Variants in IGSF23 observed in about 807,000 individuals in gnomAD.
IGSF23 encodes immunoglobulin superfamily member 23.
IGSF23 carries 14 observed loss-of-function variants against 17.8 expected under a neutral mutation model. That is an observed-to-expected ratio of 0.79 (90% CI 0.52 to 1.23). The LOEUF (loss-of-function observed/expected upper bound fraction) is 1.23, where lower values mean the gene tolerates loss of function less well. IGSF23 is among the 50% of genes most tolerant of loss of function. The pLI is 0.00. For synonymous variants in IGSF23, 85 were observed against 92.5 expected (o/e 0.92, Z 0.46); for missense variants, 214 against 241.7 (o/e 0.89, Z 0.76).
intron 1 of IGSF23, among the ~76,000 whole-genome samples, chr19:44,623,457 AG>A (rs1345071070): frequency 1.3e-5 from 2 of 152,224 alleles, no homozygotes; most frequent in African/African-American, 4.8e-5. Flanking sequence ...CCATGGGCAG[AG>A]TAGGCTTTGG....
chr19:44,630,626 A>G (rs1415291168), intron 3 of IGSF23, among the ~76,000 whole-genome samples: 2 of 152,236 alleles, frequency 1.3e-5, no homozygotes, highest in African/African-American at 4.8e-5. Context: ...GTTGTGAGCA[A>G]CAGACTCCTG....
At position 44,635,397 on chromosome 19, in the gene IGSF23, G is replaced by C; in HGVS notation, c.546-4G>C. ...CTCTGTCTCTCTCTCTCTCTCCACT[G>C]CAGGACTGACAGGCAGAGAATAGGA... On this transcript the variant is annotated splice_region_variant and splice_polypyrimidine_tract_variant and intron_variant, in intron 3 of 4. Transcript: ENST00000402988. 1 of 1,541,866 alleles carries C rather than the reference G, an allele frequency of 6.5e-7. No individual in the cohort carries two copies. The highest frequency in any genetic ancestry group is 8.8e-7 in the Non-Finnish European group (1 of 1,141,168).
intron 2 of IGSF23, among the ~76,000 whole-genome samples, chr19:44,624,439 C>G (rs1972596026): frequency 6.6e-6 from 1 of 151,936 alleles, no homozygotes; most frequent in Non-Finnish European, 1.5e-5. Flanking sequence ...CATGCACCAC[C>G]ACATCTGGCC....
chr19:44,620,290 A>G (rs1972485169), intron 1 of IGSF23, among the ~76,000 whole-genome samples: 2 of 151,440 alleles, frequency 1.3e-5, no homozygotes, highest in South Asian at 4.2e-4. Flanking sequence ...CAGAGAATTT[A>G]TGGACCGCTG....
At chr19:44,623,420 T>A (rs1213184603) in intron 1 of IGSF23, among the ~76,000 whole-genome samples, 2 of 152,162 alleles carry the variant, frequency 1.3e-5, no homozygotes, top group Non-Finnish European at 2.9e-5. Context: ...GATGTGCTCA[T>A]TCCCCAGCAC....
intron 2 of IGSF23, among the ~76,000 whole-genome samples, chr19:44,625,022 G>A (rs141295289): frequency 0.01 from 1,589 of 151,686 alleles, 31 homozygotes; most frequent in African/African-American, 0.036. Context: ...AGCTGTAATC[G>A]CACCACTGCA....
At chr19:44,623,098 C>T (rs1972556939) in intron 1 of IGSF23, among the ~76,000 whole-genome samples, 1 of 152,208 alleles carries the variant, frequency 6.6e-6, no homozygotes, top group Non-Finnish European at 1.5e-5. Flanking sequence ...TGTTTAATCA[C>T]TGCTGAGCCC....
At chr19:44,632,126 T>C (rs139918099) in intron 3 of IGSF23, 129 of 377,762 alleles carry the variant, frequency 3.4e-4, no homozygotes, top group African/African-American at 2.7e-3. Context: ...TCTGGCCAGG[T>C]TCAATTTTGT....
intron 1 of IGSF23, chr19:44,618,061 C>T (rs1211884249): frequency 4.2e-6 from 2 of 470,614 alleles, no homozygotes; most frequent in South Asian, 1.5e-5. Context: ...CCTCCTCCTT[C>T]CCTGCTCTTC....
At chr19:44,622,533 T>C (rs1291379500) in intron 1 of IGSF23, among the ~76,000 whole-genome samples, 1 of 152,164 alleles carries the variant, frequency 6.6e-6, no homozygotes, top group Non-Finnish European at 1.5e-5. Flanking sequence ...GGGGACCTCT[T>C]GGGTCACCTC....
chr19:44,633,009 C>T (rs1972802451), intron 3 of IGSF23, among the ~76,000 whole-genome samples: 1 of 152,208 alleles, frequency 6.6e-6, no homozygotes, highest in Admixed American at 6.5e-5. Context: ...CTACAAGCTC[C>T]GCTTTCTGAG....
At chr19:44,626,391 A>T (rs1358059205) in intron 2 of IGSF23, among the ~76,000 whole-genome samples, 1 of 152,160 alleles carries the variant, frequency 6.6e-6, no homozygotes, top group Non-Finnish European at 1.5e-5. Flanking sequence ...GGAAATGTTT[A>T]TGAGCACTTG....
chr19:44,629,506 G>A (rs949407694), intron 3 of IGSF23, among the ~76,000 whole-genome samples: 9 of 151,930 alleles, frequency 5.9e-5, no homozygotes, highest in Non-Finnish European at 1.0e-4. Context: ...AGGCTGCAGC[G>A]AGCGATGATC....
chr19:44,618,888 G>C lies in IGSF23; in HGVS notation c.126-4819G>C, dbSNP rs572965776. ...GGAAAAAGGCCCCACCTCTTAAGGA[G>C]AGGAGTTGCAATGTGTTGTGGCTAT... On this transcript the variant is annotated intron_variant, in intron 1 of 4. Transcript: ENST00000402988. 2.6e-5 allele frequency among the ~76,000 whole-genome samples: 4 copies of C among 152,132 alleles called. No homozygotes were observed. In the East Asian group the frequency reaches 7.7e-4, roughly 29 times the overall value.
chr19:44,617,046 G>T (rs963508747), intron 1 of IGSF23, among the ~76,000 whole-genome samples: 1 of 151,742 alleles, frequency 6.6e-6, no homozygotes, highest in Non-Finnish European at 1.5e-5. Context: ...CTACAGGCGC[G>T]TGCCACCATG....
At chr19:44,633,797 T>A (rs1972822756) in intron 3 of IGSF23, among the ~76,000 whole-genome samples, 1 of 152,222 alleles carries the variant, frequency 6.6e-6, no homozygotes, top group South Asian at 2.1e-4. Context: ...CTGCTTTGCC[T>A]TGTTTCTTTG....
At chr19:44,615,725 T>TG (rs1972359292) in intron 1 of IGSF23, among the ~76,000 whole-genome samples, 1 of 151,796 alleles carries the variant, frequency 6.6e-6, no homozygotes, top group Non-Finnish European at 1.5e-5. Flanking sequence ...GGTGTCACAC[T>TG]GGAAGGAGGA....
intron 2 of IGSF23, 149 bp from the exon 3 acceptor site, chr19:44,627,271 G>C: frequency 1.4e-6 from 1 of 735,870 alleles, no homozygotes; most frequent in East Asian, 2.8e-5. Flanking sequence ...TAGGGCAGGA[G>C]AGCAGGGAGG....
intron 1 of IGSF23, among the ~76,000 whole-genome samples, chr19:44,617,066 T>G (rs1225392663): frequency 1.3e-5 from 2 of 151,998 alleles, no homozygotes; most frequent in Non-Finnish European, 2.9e-5. Context: ...GCCCAGCGAA[T>G]TTTTTATTTT....
Sources: gnomAD v4.1 joint callset for allele counts (sites outside exome capture counted in the v4.1 genomes callset) on GRCh38, gnomAD v4.1.1 for gene constraint, MANE v1.5 for transcripts, NCBI Gene and HGNC (gene_info 2026-07-23, HGNC 2026-07-21) for gene names.